SKI: variants seen among roughly 807,000 people sequenced by gnomAD.
SKI encodes SKI proto-oncogene.
In SKI, 23 loss-of-function variants were observed where a neutral mutation model predicts 59.3. The ratio of observed to expected loss-of-function variants is 0.39; its 90% CI spans 0.28 to 0.55. The LOEUF is 0.55. Among genes scored for constraint, SKI ranks in the 20% least tolerant of loss-of-function variants. SKI has a pLI of 0.67. For synonymous variants in SKI, 673 were observed against 488.6 expected (o/e 1.38, Z -4.98); for missense variants, 1,017 against 1,038.9 (o/e 0.98, Z 0.29).
At position 2,229,503 on chromosome 1, in the gene SKI, A is replaced by G; in HGVS notation, c.737A>G (p.Gln246Arg). The change falls in exon 1 of 7, where the codon CAG becomes CGG. Residue 246 changes from glutamine to arginine, a missense_variant. Physicochemically the swap from Gln to Arg is conservative, Grantham distance 43. Transcript: ENST00000378536. This position sits in a 1 kb window ranked among gnomAD's most constrained non-coding sequence, Gnocchi z 6.3. ...LYSSPSAACI[Q>R]CLDCRLMYPP... Reference sequence around the variant, plus strand: ...AGCAGCCCGAGCGCCGCCTGCATCCAGTGCCTGGACTGCCGCCTCATGTAC... The same window carrying G: ...AGCAGCCCGAGCGCCGCCTGCATCCGGTGCCTGGACTGCCGCCTCATGTAC... 2 of 1,611,874 alleles carry G rather than the reference A, an allele frequency of 1.2e-6. No individual in the cohort carries two copies. The highest frequency in any genetic ancestry group is 2.2e-5 in the East Asian group (1 of 44,862).
rs1375522973 is a variant in SKI, at chr1:2,228,618, A to G, written c.-149A>G. 7 of 200,628 alleles carry G rather than the reference A, an allele frequency of 3.5e-5. No homozygotes were observed. Among genetic ancestry groups the G allele is most frequent in the Admixed American group, 1.4e-4 (2 of 14,350 alleles). 12.4% of individuals were successfully genotyped at this position (200,628 alleles called of 1,614,324 possible). ...GCCTTCCCCTTCGCGCCCCCGGGCG[A>G]GGCCGCGGCCGTGATCGGCCGTGAG... On this transcript the variant is annotated 5_prime_UTR_variant, in exon 1 of 7. Coordinates refer to ENST00000378536, the MANE Select transcript of SKI (RefSeq NM_003036.4).
chr1:2,275,243 G>A (rs1260999562), intron 1 of SKI, among the ~76,000 whole-genome samples: 1 of 152,234 alleles, frequency 6.6e-6, no homozygotes. Flanking sequence ...AGAGGTCAGA[G>A]CAGTGGCCGG....
At chr1:2,254,123 C>G (rs1174307959) in intron 1 of SKI, among the ~76,000 whole-genome samples, 1 of 152,194 alleles carries the variant, frequency 6.6e-6, no homozygotes, top group Non-Finnish European at 1.5e-5. Context: ...CCATGAGGGG[C>G]TGGGGTTGGC....
rs926396400 is a variant in SKI, at chr1:2,269,268, A to C, written c.970-33710A>C. On this transcript the variant is annotated intron_variant, in intron 1 of 6. Transcript: ENST00000378536. The surrounding 1 kb of genome is among the most constrained non-coding windows in gnomAD (Gnocchi z 4.7). ...GGCCCATGTTTGATTCTCGATGCAGATCCAGCCCTGGGAAGAAAGCACCGC... is the reference window on the plus strand; with the variant it reads ...GGCCCATGTTTGATTCTCGATGCAGCTCCAGCCCTGGGAAGAAAGCACCGC... Among the ~76,000 whole-genome samples, 3 of 152,188 alleles carry C rather than the reference A, an allele frequency of 2.0e-5. No individual in the cohort carries two copies. The highest frequency in any genetic ancestry group is 4.4e-5 in the Non-Finnish European group (3 of 68,034).
Position 2,228,996 on chromosome 1 carries a change from C to T in SKI, c.230C>T (p.Pro77Leu). 1 of 1,555,332 alleles carries T rather than the reference C, an allele frequency of 6.4e-7. No individual in the cohort carries two copies. The highest frequency in any genetic ancestry group is 8.6e-7 in the Non-Finnish European group (1 of 1,157,798). The change falls in exon 1 of 7, where the codon CCC becomes CTC. Residue 77 changes from proline to leucine, a missense_variant. Physicochemically the swap from Pro to Leu is moderately conservative, Grantham distance 98. Coordinates refer to ENST00000378536, the MANE Select transcript of SKI (RefSeq NM_003036.4). ...ATEPPPVLHL[P>L]AIQPPPPVLP... ...GAGCCGCCGCCCGTGCTGCACCTGC[C>T]CGCCATCCAGCCGCCGCCGCCCGTG... is the stretch of plus-strand genomic sequence containing the variant.
rs373075362 is a variant in SKI at position 2,307,251 on chromosome 1, G to C, written c.*486G>C. 1.4e-5 allele frequency: 2 copies of C among 145,664 alleles called. No individual in the cohort carries two copies. Among genetic ancestry groups the C allele is most frequent in the South Asian group, 2.5e-4 (1 of 3,938 alleles). The allele number at this position is 145,664 out of a possible 1,614,324, so 9.0% of individuals were successfully genotyped here. On this transcript the variant is annotated 3_prime_UTR_variant, in exon 7 of 7. Transcript: ENST00000378536. ...TGCCCGCGGCTGCGTGAGGACAGCA[G>C]GGGTTTTTCTTCAGAGTCTATTTTT...
chr1:2,235,529 G>GTGC (rs1638734527), intron 1 of SKI, among the ~76,000 whole-genome samples: 1 of 152,238 alleles, frequency 6.6e-6, no homozygotes, highest in Admixed American at 6.5e-5. Flanking sequence ...TAGCTCTTAG[G>GTGC]TGCTGCTGCT....
intron 6 of SKI, 75 bp downstream of exon 6, chr1:2,306,325 C>T (rs868833627): frequency 2.2e-6 from 3 of 1,354,274 alleles, no homozygotes; most frequent in Non-Finnish European, 2.0e-6. Flanking sequence ...GCCAGTCCTG[C>T]CCAGCCGGAA....
At chr1:2,295,744 G>A (rs1336488932) in intron 1 of SKI, among the ~76,000 whole-genome samples, 1 of 151,784 alleles carries the variant, frequency 6.6e-6, no homozygotes, top group Non-Finnish European at 1.5e-5. Context: ...GTGTGACTGT[G>A]TGTGTCCGGC....
chr1:2,296,611 T>C (rs1405426434), intron 1 of SKI, among the ~76,000 whole-genome samples: 1 of 152,188 alleles, frequency 6.6e-6, no homozygotes, highest in East Asian at 1.9e-4. Context: ...GAGTTCTTCA[T>C]GTGTTCTGAA....
rs140561111 is a variant in SKI at position 2,257,558 on chromosome 1, G to GCTT, written c.969+27825_969+27827dup. Among the ~76,000 whole-genome samples the GCTT allele has an allele frequency of 7.7e-3, 1,166 of 152,372 alleles. 45 individuals carry two copies. The highest frequency in any genetic ancestry group is 0.062 in the Admixed American group (955 of 15,308). On this transcript the variant is annotated intron_variant, in intron 1 of 6. Transcript: ENST00000378536. ...TATGTGTGCTTGAGCTCGAGACAAT[G>GCTT]CTTCCTTCATCCAAGAGCCGGGCTC...
At chr1:2,273,567 C>A (rs1005811958) in intron 1 of SKI, among the ~76,000 whole-genome samples, 1 of 152,150 alleles carries the variant, frequency 6.6e-6, no homozygotes, top group Admixed American at 6.5e-5. Context: ...CTGCCTGGGG[C>A]GGTCCTCCCC....
At chr1:2,260,747 C>T (rs886191556) in intron 1 of SKI, among the ~76,000 whole-genome samples, 1 of 151,840 alleles carries the variant, frequency 6.6e-6, no homozygotes, top group Admixed American at 6.6e-5. Flanking sequence ...CGCTATGTTG[C>T]CCAGGCTGGT....
intron 1 of SKI, among the ~76,000 whole-genome samples, chr1:2,251,165 T>C (rs935585225): frequency 6.6e-6 from 1 of 152,156 alleles, no homozygotes; most frequent in Non-Finnish European, 1.5e-5. Flanking sequence ...CTTCTTGCCG[T>C]GTAGTAGCGC....
intron 1 of SKI, among the ~76,000 whole-genome samples, chr1:2,236,161 C>T (rs995893924): frequency 6.6e-6 from 1 of 152,022 alleles, no homozygotes; most frequent in Non-Finnish European, 1.5e-5. Flanking sequence ...TTGGTCAGGC[C>T]TTCTTGGGCT....
intron 1 of SKI, among the ~76,000 whole-genome samples, chr1:2,284,825 C>T (rs1169749428): frequency 1.3e-5 from 2 of 152,160 alleles, no homozygotes; most frequent in South Asian, 2.1e-4. Flanking sequence ...CTGGGGGCCC[C>T]GGTGGCTGGA....
rs372819760 is a variant in SKI, at chr1:2,295,479, A to G, written c.970-7499A>G. Among the ~76,000 whole-genome samples the G allele has an allele frequency of 4.6e-5, 7 of 152,344 alleles. No individual in the cohort carries two copies. In the East Asian group the frequency reaches 9.6e-4, roughly 21 times the overall value. On this transcript the variant is annotated intron_variant, in intron 1 of 6. Coordinates refer to ENST00000378536, the MANE Select transcript of SKI (RefSeq NM_003036.4). ...TTTTTCAGTATATGCAGCCATCATC[A>G]TCTAAGTTGAGAACATTTTTGTCAC... is the stretch of plus-strand genomic sequence containing the variant.
rs1281574879 is a variant in SKI, at chr1:2,304,400, G to C, written c.1582G>C (p.Ala528Pro). The change falls in exon 5 of 7, where the codon GCT becomes CCT. Residue 528 changes from alanine to proline, a missense_variant. Transcript: ENST00000378536. ...TGCCCTGCCCTCGGCCGTCCCTGAT[G>C]CTGCGGCCCCTGCCGACGCCCCCAG... ...ARALPSAVPD[A>P]AAPADAPSGL... 2.5e-5 allele frequency: 39 copies of C among 1,552,640 alleles called. No individual in the cohort carries two copies. The highest frequency in any genetic ancestry group is 2.6e-6 in the Non-Finnish European group (3 of 1,148,208).
At chr1:2,278,636 G>A (rs1639799114) in intron 1 of SKI, among the ~76,000 whole-genome samples, 4 of 152,024 alleles carry the variant, frequency 2.6e-5, no homozygotes, top group Non-Finnish European at 4.4e-5. Context: ...ATGGTGAGAA[G>A]GGTGGGGTCT....
Sources: allele counts gnomAD v4.1 joint callset (sites outside exome capture counted in the v4.1 genomes callset), GRCh38; gene constraint gnomAD v4.1.1; non-coding constraint Gnocchi (gnomAD v3.1); transcripts MANE v1.5; gene names NCBI Gene and HGNC (gene_info 2026-07-23, HGNC 2026-07-21).